RAB3GAP2: variants seen among roughly 807,000 people sequenced by gnomAD.
RAB3GAP2 encodes the protein rab3 GTPase-activating protein non-catalytic subunit.
Under a neutral mutation model 185.3 loss-of-function variants are expected in RAB3GAP2, and 87 were observed. The ratio of observed to expected loss-of-function variants is 0.47; its 90% CI spans 0.39 to 0.56. The LOEUF is 0.56. RAB3GAP2 is among the 20% of genes least tolerant of loss of function. RAB3GAP2 has a pLI of 0.00. For synonymous variants in RAB3GAP2, 554 were observed against 576.1 expected (o/e 0.96, Z 0.55); for missense variants, 1,492 against 1,638.2 (o/e 0.91, Z 1.54).
chr1:220,190,490 A>C lies in RAB3GAP2; in HGVS notation c.1518T>G (p.Gly506=). Residue 506 remains glycine, a synonymous_variant, in exon 15 of 35, where the codon GGT becomes GGG. Coordinates refer to ENST00000358951, the MANE Select transcript of RAB3GAP2 (RefSeq NM_012414.4). ...RLLYPGYKIM[G]LNNVTSQSWQ... ...AACTCTGACTGGTAACATTATTTAA[A>C]CCCATTATTTTATAGCCAGGATACA... 2 of 1,605,824 alleles carry C rather than the reference A, an allele frequency of 1.2e-6. No homozygotes were observed. The highest frequency in any genetic ancestry group is 1.7e-6 in the Non-Finnish European group (2 of 1,172,500).
At chr1:220,246,412 A>T (rs1251767220) in intron 1 of RAB3GAP2, among the ~76,000 whole-genome samples, 3 of 142,710 alleles carry the variant, frequency 2.1e-5, no homozygotes, top group Non-Finnish European at 3.0e-5. Flanking sequence ...CAGCCATCCC[A>T]TTACTGGGTA....
At chr1:220,259,697 T>C (rs1010074929) in intron 1 of RAB3GAP2, among the ~76,000 whole-genome samples, 2 of 152,064 alleles carry the variant, frequency 1.3e-5, no homozygotes, top group African/African-American at 4.8e-5. Context: ...GATTTCATGA[T>C]GAAAATGCCA....
chr1:220,197,118 G>T, intron 9 of RAB3GAP2, among the ~76,000 whole-genome samples: 1 of 151,672 alleles, frequency 6.6e-6, no homozygotes, highest in Non-Finnish European at 1.5e-5. Flanking sequence ...TCCCCGAATG[G>T]CTGGGATTAC....
chr1:220,213,461 G>A (rs1030630052), intron 3 of RAB3GAP2, among the ~76,000 whole-genome samples: 1 of 151,838 alleles, frequency 6.6e-6, no homozygotes, highest in Non-Finnish European at 1.5e-5. Context: ...AAAATGCTAT[G>A]CCCCAAACAG....
chr1:220,202,057 T>C (rs940675440), intron 9 of RAB3GAP2, among the ~76,000 whole-genome samples: 4 of 151,824 alleles, frequency 2.6e-5, no homozygotes, highest in Admixed American at 1.3e-4. Flanking sequence ...CTCAGCTACT[T>C]GGGAGGCTGA....
chr1:220,201,822 A>T (rs1198677727), intron 9 of RAB3GAP2, among the ~76,000 whole-genome samples: 2 of 152,078 alleles, frequency 1.3e-5, no homozygotes, highest in Non-Finnish European at 2.9e-5. Context: ...GCCTATGATG[A>T]TCTGAATCTG....
At chr1:220,207,687 G>A (rs1658995209) in intron 7 of RAB3GAP2, 2 of 152,308 alleles carry the variant, frequency 1.3e-5, no homozygotes, top group African/African-American at 4.8e-5. Flanking sequence ...AAACAGAAAA[G>A]ACCTAATCAC....
intron 2 of RAB3GAP2, among the ~76,000 whole-genome samples, chr1:220,220,835 C>T (rs1659292278): frequency 6.6e-6 from 1 of 152,326 alleles, no homozygotes. Flanking sequence ...TCACCTTCCA[C>T]CATGATTGTG....
intron 1 of RAB3GAP2, among the ~76,000 whole-genome samples, chr1:220,260,666 G>T (rs1660118599): frequency 6.6e-6 from 1 of 152,046 alleles, no homozygotes; most frequent in Non-Finnish European, 1.5e-5. Flanking sequence ...GGGTGATGGG[G>T]TGATCTGTGC....
Position 220,172,054 on chromosome 1 carries a change from A to T in RAB3GAP2, c.2417-5T>A. On this transcript the variant is annotated splice_region_variant and splice_polypyrimidine_tract_variant and intron_variant, in intron 22 of 34. Coordinates refer to ENST00000358951, the MANE Select transcript of RAB3GAP2 (RefSeq NM_012414.4). ...CCCAGGTCTCATCGATGGCCACTATAGGGATAGGAGAAAACAGAAAAATAA... is the reference window on the plus strand; with the variant it reads ...CCCAGGTCTCATCGATGGCCACTATTGGGATAGGAGAAAACAGAAAAATAA... 1 of 1,614,078 alleles carries T rather than the reference A, an allele frequency of 6.2e-7. No individual in the cohort carries two copies. Among genetic ancestry groups the T allele is most frequent in the Non-Finnish European group, 8.5e-7 (1 of 1,179,954 alleles).
Position 220,191,162 on chromosome 1 carries a change from G to A in RAB3GAP2, c.1393C>T (p.Leu465Phe), listed in dbSNP as rs1444884870. 5 of 1,613,916 alleles carry A rather than the reference G, an allele frequency of 3.1e-6. No individual in the cohort carries two copies. Among genetic ancestry groups the A allele is most frequent in the African/African-American group, 1.3e-5 (1 of 74,890 alleles). The change falls in exon 14 of 35, where the codon CTT becomes TTT. Residue 465 changes from leucine to phenylalanine, a missense_variant. By Grantham distance (22) the Leu-to-Phe change is conservative (BLOSUM62 0). This residue lies in a region of RAB3GAP2 where 681 missense variants were observed against 689.1 expected (regional missense o/e 0.99). Coordinates refer to ENST00000358951, the MANE Select transcript of RAB3GAP2 (RefSeq NM_012414.4). Reference sequence around the variant, plus strand: ...CCCCTTCTTGGCGCATAGATCACAAGGAATTGAGCTACTCGACTTGGACCC... The same window carrying A: ...CCCCTTCTTGGCGCATAGATCACAAAGAATTGAGCTACTCGACTTGGACCC... Reference protein sequence around the residue: ...SQGPSRVAQFLVIYAPRRGIL... With the variant: ...SQGPSRVAQFFVIYAPRRGIL...
chr1:220,155,097 A>G (rs567978008), intron 31 of RAB3GAP2, among the ~76,000 whole-genome samples: 11 of 152,352 alleles, frequency 7.2e-5, no homozygotes, highest in African/African-American at 2.6e-4. Flanking sequence ...GTGTGTCTAA[A>G]GAGTAAAAAC....
intron 9 of RAB3GAP2, among the ~76,000 whole-genome samples, chr1:220,199,729 C>T (rs1473510391): frequency 6.6e-6 from 1 of 152,144 alleles, no homozygotes; most frequent in Non-Finnish European, 1.5e-5. Context: ...ACAGTCTCAT[C>T]ATCCAGCCCG....
chr1:220,227,072 G>A (rs570762352), intron 2 of RAB3GAP2, among the ~76,000 whole-genome samples: 10 of 152,254 alleles, frequency 6.6e-5, no homozygotes, highest in South Asian at 6.2e-4. Context: ...CCAGAACTGC[G>A]AAAAAATAAG....
At chr1:220,179,529 A>G (rs1321733243) in intron 21 of RAB3GAP2, among the ~76,000 whole-genome samples, 1 of 152,224 alleles carries the variant, frequency 6.6e-6, no homozygotes, top group African/African-American at 2.4e-5. Context: ...TGGACCTAAT[A>G]GACATTTATA....
rs76473498 is a variant in RAB3GAP2 at position 220,202,386 on chromosome 1, A to G, written c.713-12T>C. 0.047 allele frequency: 75,961 copies of G among 1,609,464 alleles called. 2,063 individuals carry two copies. Among genetic ancestry groups the G allele is most frequent in the Non-Finnish European group, 0.053 (62,898 of 1,176,062 alleles). On this transcript the variant is annotated splice_polypyrimidine_tract_variant and intron_variant, in intron 8 of 34. Transcript: ENST00000358951. ...GCCTGATGCTGCAGCTACCAAAGATAAAATAAGACAATCCAAACTTATTAT... is the reference window on the plus strand; with the variant it reads ...GCCTGATGCTGCAGCTACCAAAGATGAAATAAGACAATCCAAACTTATTAT...
At position 220,172,595 on chromosome 1, in the gene RAB3GAP2, A is replaced by T. The variant is rs1444173747; in HGVS notation, c.2416+42T>A. 2.2e-6 allele frequency: 3 copies of T among 1,382,296 alleles called. No homozygotes were observed. The South Asian group carries it at 3.5e-5, about 16-fold the overall frequency. 85.6% of individuals were successfully genotyped at this position (1,382,296 alleles called of 1,614,324 possible). Reference sequence around the variant, plus strand: ...CTCTCCCATCTTTTTGTGACATTTCAAACACGAAACTTTGTTGACGAGAGC... The same window carrying T: ...CTCTCCCATCTTTTTGTGACATTTCTAACACGAAACTTTGTTGACGAGAGC... On this transcript the variant is annotated intron_variant, in intron 22 of 34. Transcript: ENST00000358951.
At chr1:220,167,184 G>A (rs1324453947) in intron 26 of RAB3GAP2, 109 bp downstream of exon 26, 58 of 967,166 alleles carry the variant, frequency 6.0e-5, no homozygotes, top group Middle Eastern at 2.1e-4. Context: ...GCATTACAAC[G>A]GGGAAAAAGC....
At chr1:220,204,808 T>C (rs1177737024) in intron 8 of RAB3GAP2, among the ~76,000 whole-genome samples, 1 of 141,324 alleles carries the variant, frequency 7.1e-6, no homozygotes, top group Non-Finnish European at 1.5e-5. Context: ...CATTGTTCAA[T>C]TCCCACCTAT....
Sources: gnomAD v4.1 joint callset for allele counts (sites outside exome capture counted in the v4.1 genomes callset) on GRCh38, gnomAD v4.1.1 for gene constraint, gnomAD v4.1.1 regional missense constraint, MANE v1.5 for transcripts, NCBI Gene and HGNC (gene_info 2026-07-23, HGNC 2026-07-21) for gene names.